The following FBXW4 variants were observed in gnomAD, a reference collection of about 807,000 sequenced individuals.
FBXW4 encodes the protein F-box and WD repeat domain containing 4, also known as F-box/WD repeat-containing protein 4.
In FBXW4, 40 loss-of-function variants were observed where a neutral mutation model predicts 61.8. The observed-to-expected ratio is 0.65, with a 90% CI of 0.50 to 0.84. The LOEUF (loss-of-function observed/expected upper bound fraction) is 0.84, where lower values mean the gene tolerates loss of function less well. Ranked by LOEUF, FBXW4 falls within the 40% of genes least tolerant of loss-of-function variation. The pLI is 0.00. For missense variants in FBXW4, 672 were observed against 753.8 expected (o/e 0.89, Z 1.27); for synonymous variants, 311 against 313.8 (o/e 0.99, Z 0.10).
chr10:101,668,076 T>G, intron 4 of FBXW4, 96 bp from the exon 5 acceptor site: 1 of 933,244 alleles, frequency 1.1e-6, no homozygotes, highest in Non-Finnish European at 1.7e-6. Flanking sequence ...GGTGGAGAAA[T>G]GGGGAATCCT....
intron 5 of FBXW4, among the ~76,000 whole-genome samples, chr10:101,648,358 C>T (rs1383902982): frequency 2.0e-5 from 3 of 152,136 alleles, no homozygotes; most frequent in African/African-American, 7.2e-5. Context: ...TCTCCCATCA[C>T]AAAACAGTAT....
chr10:101,641,635 A>AG, intron 5 of FBXW4, among the ~76,000 whole-genome samples: 1 of 24,096 alleles, frequency 4.2e-5, no homozygotes, highest in Middle Eastern at 0.016. Context: ...TTTTCTCAAA[A>AG]AAAAACAAAA....
At chr10:101,633,748 T>G (rs1052906648) in intron 5 of FBXW4, among the ~76,000 whole-genome samples, 2 of 152,158 alleles carry the variant, frequency 1.3e-5, no homozygotes, top group Admixed American at 6.5e-5. Context: ...AATAACCAAG[T>G]GTTATTATAT....
Position 101,632,211 on chromosome 10 carries a change from T to TAC in FBXW4, c.1236-7403_1236-7402dup, listed in dbSNP as rs576191437. ...CAGTACACATACCACACATATTCTC[T>TAC]ACACACACACACACACACGCAACCC... On this transcript the variant is annotated intron_variant, in intron 5 of 8. Coordinates refer to ENST00000331272, the MANE Select transcript of FBXW4 (RefSeq NM_022039.4). Among the ~76,000 whole-genome samples the TAC allele has an allele frequency of 6.7e-3, 1,002 of 150,424 alleles. 8 individuals carry two copies. The highest frequency in any genetic ancestry group is 0.016 in the African/African-American group (655 of 41,072).
At chr10:101,655,316 CATCCTT>C (rs1238798443) in intron 5 of FBXW4, among the ~76,000 whole-genome samples, 4 of 152,202 alleles carry the variant, frequency 2.6e-5, no homozygotes, top group African/African-American at 9.6e-5. Flanking sequence ...TTCTTGAACT[CATCCTT>C]ATCAGCCTGC....
intron 1 of FBXW4, among the ~76,000 whole-genome samples, chr10:101,677,356 A>G (rs368224962): frequency 1.3e-5 from 2 of 152,232 alleles, no homozygotes; most frequent in East Asian, 1.9e-4. Flanking sequence ...GGAAAGAAGT[A>G]CTGATACACA....
At chr10:101,685,344 A>C (rs1233005566) in intron 1 of FBXW4, among the ~76,000 whole-genome samples, 1 of 152,190 alleles carries the variant, frequency 6.6e-6, no homozygotes, top group African/African-American at 2.4e-5. Flanking sequence ...TGTGCTTCTA[A>C]AAGTGGCTCT....
Position 101,694,765 on chromosome 10 carries a change from C to T in FBXW4, c.341G>A (p.Gly114Glu), listed in dbSNP as rs2064658623. Residue 114 changes from glycine (G) to glutamate (E), a missense_variant, in exon 1 of 9, where the codon GGA becomes GAA. Gly to Glu is a moderately conservative substitution (Grantham distance 98, BLOSUM62 -2). Transcript: ENST00000331272. The surrounding 1 kb of genome is among the most constrained non-coding windows in gnomAD (Gnocchi z 6.0). ...TTCCTCCTTCTTCCCATACTCTCTT[C>T]CTTGTGCCTCCTTCCCGGCCCCTGC... ...GSAGAGKEAQ[G>E]REYGKKEEWR... is the part of the protein sequence containing the mutation. 7.4e-7 allele frequency: 1 copy of T among 1,351,352 alleles called. No homozygotes were observed. Among genetic ancestry groups the T allele is most frequent in the Non-Finnish European group, 9.4e-7 (1 of 1,059,166 alleles). 83.7% of individuals were successfully genotyped at this position (1,351,352 alleles called of 1,614,324 possible).
chr10:101,647,527 T>C (rs1286271997), intron 5 of FBXW4, among the ~76,000 whole-genome samples: 1 of 152,192 alleles, frequency 6.6e-6, no homozygotes, highest in Admixed American at 6.5e-5. Flanking sequence ...GGAATCGATT[T>C]TTTTTCCCCC....
intron 5 of FBXW4, among the ~76,000 whole-genome samples, chr10:101,640,059 C>T (rs1385426119): frequency 1.3e-5 from 2 of 152,228 alleles, no homozygotes; most frequent in African/African-American, 4.8e-5. Flanking sequence ...CTTTGCCAGG[C>T]CTCTACTGGA....
intron 5 of FBXW4, among the ~76,000 whole-genome samples, chr10:101,651,220 A>G (rs2064143081): frequency 6.6e-6 from 1 of 151,890 alleles, no homozygotes; most frequent in Admixed American, 6.5e-5. Context: ...AGCGGTGGGA[A>G]GGGGCCCGCC....
At chr10:101,640,093 T>C (rs2064038228) in intron 5 of FBXW4, among the ~76,000 whole-genome samples, 1 of 152,192 alleles carries the variant, frequency 6.6e-6, no homozygotes, top group Admixed American at 6.5e-5. Flanking sequence ...AAGAAGATAC[T>C]TCAACCACAA....
intron 5 of FBXW4, among the ~76,000 whole-genome samples, chr10:101,663,697 T>C (rs1303856107): frequency 1.3e-5 from 2 of 151,526 alleles, no homozygotes; most frequent in African/African-American, 2.4e-5. Flanking sequence ...CAGAATTCCA[T>C]GTGACCTCAG....
chr10:101,683,805 C>T (rs1482587309), intron 1 of FBXW4, among the ~76,000 whole-genome samples: 3 of 152,040 alleles, frequency 2.0e-5, no homozygotes, highest in Non-Finnish European at 4.4e-5. Context: ...GCACGGATGG[C>T]ATGATTTCCA....
intron 5 of FBXW4, among the ~76,000 whole-genome samples, chr10:101,664,579 A>C (rs149412228): frequency 1.3e-5 from 2 of 152,186 alleles, no homozygotes; most frequent in Non-Finnish European, 2.9e-5. Flanking sequence ...GGAACACTAC[A>C]GGGGGAAGAG....
chr10:101,631,344 A>G (rs563479852), intron 5 of FBXW4, among the ~76,000 whole-genome samples: 3 of 152,332 alleles, frequency 2.0e-5, no homozygotes, highest in South Asian at 2.1e-4. Flanking sequence ...TTAATGGAAT[A>G]TTATACAGTC....
chr10:101,681,025 T>C (rs186244278), intron 1 of FBXW4, among the ~76,000 whole-genome samples: 1 of 152,346 alleles, frequency 6.6e-6, no homozygotes, highest in Non-Finnish European at 1.5e-5. Context: ...AGTAATGGTA[T>C]TTTTAAAACT....
chr10:101,626,404 A>G (rs576985671), intron 5 of FBXW4: 3 of 152,806 alleles, frequency 2.0e-5, no homozygotes, highest in East Asian at 1.9e-4. Flanking sequence ...TGGAAACATA[A>G]TAGCCACTTG....
Position 101,611,706 on chromosome 10 carries a change from G to T in FBXW4, c.1506C>A (p.Gly502=), listed in dbSNP as rs1158597323. 2 of 1,614,090 alleles carry T rather than the reference G, an allele frequency of 1.2e-6. No individual in the cohort carries two copies. Among genetic ancestry groups the T allele is most frequent in the African/African-American group, 2.7e-5 (2 of 74,940 alleles). ...AGGAACCTGTGGCCAGCAGGTGGTTGCCATCTGTCTGCAGGCAGTACAGGG... is the reference window on the plus strand; with the variant it reads ...AGGAACCTGTGGCCAGCAGGTGGTTTCCATCTGTCTGCAGGCAGTACAGGG... ...DSTLYCLQTD[G]NHLLATGSSY... Residue 502 remains glycine, a synonymous_variant, in exon 8 of 9, where the codon GGC becomes GGA. Transcript: ENST00000331272. This position sits in a 1 kb window ranked among gnomAD's most constrained non-coding sequence, Gnocchi z 4.9.
Sources: allele counts gnomAD v4.1 joint callset (sites outside exome capture counted in the v4.1 genomes callset), GRCh38; gene constraint gnomAD v4.1.1; non-coding constraint Gnocchi (gnomAD v3.1); transcripts MANE v1.5; gene names NCBI Gene and HGNC (gene_info 2026-07-23, HGNC 2026-07-21).